ZNF446: variants seen among roughly 807,000 people sequenced by gnomAD.
ZNF446 encodes zinc finger protein with KRAB and SCAN domains 20.
ZNF446 carries 42 observed loss-of-function variants against 34.0 expected under a neutral mutation model. The observed-to-expected ratio is 1.23, with a 90% CI of 0.96 to 1.60. The LOEUF is 1.60. Among genes scored for constraint, ZNF446 ranks in the 40% most tolerant of loss-of-function variants. The pLI, the probability that ZNF446 is intolerant of heterozygous loss-of-function variation, is 0.00. For synonymous variants in ZNF446, 315 were observed against 251.0 expected (o/e 1.25, Z -2.41); for missense variants, 650 against 600.2 (o/e 1.08, Z -0.87).
chr19:58,488,025 A>C, the ZNF446 span, among the ~76,000 whole-genome samples: 1 of 151,428 alleles, frequency 6.6e-6, no homozygotes, highest in Non-Finnish European at 1.5e-5. Context: ...CACCCTGTTC[A>C]TGGCACTGTG....
the ZNF446 span, among the ~76,000 whole-genome samples, chr19:58,488,560 A>C: frequency 6.6e-6 from 1 of 152,054 alleles, no homozygotes; most frequent in African/African-American, 2.4e-5. Flanking sequence ...GATAAAAAAA[A>C]AAAAAAAAAG....
Position 58,477,227 on chromosome 19 carries a change from C to A in ZNF446, c.9C>A (p.Ser3=). The change falls in exon 2 of 7, where the codon TCC becomes TCA. Residue 3 remains serine (S), a synonymous_variant. Coordinates refer to ENST00000594369, the MANE Select transcript of ZNF446 (RefSeq NM_017908.4). ...CACCCCCTTGAGCAAGAATGCCATC[C>A]CCTCTGGGTCCCCCATGCCTGCCCG... is the stretch of plus-strand genomic sequence containing the variant. The part of the protein sequence containing the change: MP[S]PLGPPCLPVM... 6.4e-7 allele frequency: 1 copy of A among 1,558,898 alleles called. No individual in the cohort carries two copies. Among genetic ancestry groups the A allele is most frequent in the Non-Finnish European group, 8.7e-7 (1 of 1,151,568 alleles).
At chr19:58,479,337 G>A (rs1046983725) in intron 4 of ZNF446, among the ~76,000 whole-genome samples, 15 of 152,180 alleles carry the variant, frequency 9.9e-5, no homozygotes, top group Non-Finnish European at 2.2e-4. Context: ...CAGCAAGGAG[G>A]GCTGACCCCC....
At position 58,481,041 on chromosome 19, in the gene ZNF446, T is replaced by C. The variant is rs906382729; in HGVS notation, c.*315T>C. ...GTGACATGGCCTGGGCTGACAACAC[T>C]CCCTCTCCTGGGACCTCCTTGCCTC... On this transcript the variant is annotated 3_prime_UTR_variant, in exon 7 of 7. Coordinates refer to ENST00000594369, the MANE Select transcript of ZNF446 (RefSeq NM_017908.4). 6 of 365,204 alleles carry C rather than the reference T, an allele frequency of 1.6e-5. No individual in the cohort carries two copies. The highest frequency in any genetic ancestry group is 3.0e-5 in the Non-Finnish European group (6 of 197,106). The allele number at this position is 365,204 out of a possible 1,614,324, so 22.6% of individuals were successfully genotyped here.
chr19:58,478,026 A>G (rs1233534558), intron 3 of ZNF446, 61 bp from the exon 4 acceptor site: 1 of 1,483,356 alleles, frequency 6.7e-7, no homozygotes, highest in Non-Finnish European at 9.2e-7. Flanking sequence ...GGAGCTCCTC[A>G]TCTGCCATGG....
Position 58,480,064 on chromosome 19 carries a change from G to A in ZNF446, c.802+45G>A, listed in dbSNP as rs778580398. Reference sequence around the variant, plus strand: ...CAGCCTGAATCACCCCTCCTGTATCGGTGGGACCTGAGCCACCCACTCATG... The same window carrying A: ...CAGCCTGAATCACCCCTCCTGTATCAGTGGGACCTGAGCCACCCACTCATG... On this transcript the variant is annotated intron_variant, in intron 6 of 6. Coordinates refer to ENST00000594369, the MANE Select transcript of ZNF446 (RefSeq NM_017908.4). This position sits in a 1 kb window ranked among gnomAD's most constrained non-coding sequence, Gnocchi z 7.2. 42 of 1,561,996 alleles carry A rather than the reference G, an allele frequency of 2.7e-5. 1 individual carries two copies. Among genetic ancestry groups the A allele is most frequent in the African/African-American group, 2.0e-4 (15 of 73,912 alleles).
chr19:58,479,962 C>T lies in ZNF446; in HGVS notation c.745C>T (p.Gln249Ter), dbSNP rs1370511655. Residue 249 changes from glutamine to a stop codon, truncating the protein, a stop_gained, in exon 6 of 7, where the codon CAG (glutamine) becomes TAG (stop). Transcript: ENST00000594369. LOFTEE classifies it high-confidence loss of function. ...LPPHQPEAQA[Q>*]SELGMLLTGT... ...GCCCCACCAGCCAGAGGCACAGGCC[C>T]AGTCAGAGCTGGGGATGCTGCTCAC... 6.3e-7 allele frequency: 1 copy of T among 1,588,892 alleles called. No individual in the cohort carries two copies. Among genetic ancestry groups the T allele is most frequent in the East Asian group, 2.3e-5 (1 of 43,816 alleles).
the ZNF446 span, among the ~76,000 whole-genome samples, chr19:58,486,840 T>G: frequency 6.6e-6 from 1 of 151,878 alleles, no homozygotes; most frequent in Admixed American, 6.6e-5. Flanking sequence ...TCTCACTCTG[T>G]CGCCCGGGCT....
At chr19:58,485,056 T>C (rs1232605528), downstream of ZNF446, among the ~76,000 whole-genome samples, 1 of 151,100 alleles carries the variant, frequency 6.6e-6, no homozygotes, top group Non-Finnish European at 1.5e-5. Context: ...CTCAGAAAAA[T>C]AAAAAGAAGC....
downstream of ZNF446, among the ~76,000 whole-genome samples, chr19:58,486,213 C>T (rs776767161): frequency 3.3e-5 from 5 of 150,916 alleles, no homozygotes; most frequent in African/African-American, 4.9e-5. Context: ...CCTGCATCAG[C>T]CTCCCGATAG....
At chr19:58,481,955 GGCTAATT>G (rs951127200), downstream of ZNF446, among the ~76,000 whole-genome samples, 1 of 152,048 alleles carries the variant, frequency 6.6e-6, no homozygotes, top group Non-Finnish European at 1.5e-5. Flanking sequence ...CACCACGCCC[GGCTAATT>G]TTTTTGCATT....
intron 3 of ZNF446, 29 bp from the exon 4 acceptor site, chr19:58,478,058 A>G: frequency 1.9e-6 from 3 of 1,593,444 alleles, no homozygotes; most frequent in Non-Finnish European, 2.6e-6. Flanking sequence ...AGCCCCTGAC[A>G]CCACCCTTCC....
rs2122442933 is a variant in ZNF446 at position 58,478,270 on chromosome 19, C to G, written c.627+89C>G. 2.4e-6 allele frequency: 3 copies of G among 1,234,964 alleles called. No individual in the cohort carries two copies. The East Asian group carries it at 7.6e-5, about 31-fold the overall frequency. 76.5% of individuals were successfully genotyped at this position (1,234,964 alleles called of 1,614,324 possible). On this transcript the variant is annotated intron_variant, in intron 4 of 6. Coordinates refer to ENST00000594369, the MANE Select transcript of ZNF446 (RefSeq NM_017908.4). ...CCTCTGCCTGGTGGTTTTCCAGGCT[C>G]CTTGACTAGTGGCTCTTTGCTTCCC...
At chr19:58,486,429 C>T in the ZNF446 span, among the ~76,000 whole-genome samples, 5 of 151,216 alleles carry the variant, frequency 3.3e-5, no homozygotes, top group African/African-American at 1.2e-4. Context: ...TTTTTTGAGA[C>T]GAAGTCTCGC....
rs946248706 is a variant in ZNF446, at chr19:58,476,426, C to T, written c.-119C>T. The T allele has an allele frequency of 3.9e-5, 6 of 152,378 alleles. No individual in the cohort carries two copies. Among genetic ancestry groups the T allele is most frequent in the South Asian group, 2.1e-4 (1 of 4,838 alleles). 9.4% of individuals were successfully genotyped at this position (152,378 alleles called of 1,614,324 possible). On this transcript the variant is annotated 5_prime_UTR_variant, in exon 1 of 7. Transcript: ENST00000594369. ...TTGGAACGCCTCCCTCTTGCCTTCC[C>T]CTTTTGGGGACAGATCCCGAAGTTC... is the stretch of plus-strand genomic sequence containing the variant.
At chr19:58,479,845 G>T in intron 5 of ZNF446, 85 bp from the exon 6 acceptor site, 1 of 1,405,360 alleles carries the variant, frequency 7.1e-7, no homozygotes, top group South Asian at 1.2e-5. Flanking sequence ...CCACCTTCCA[G>T]AGGAACACCC....
At chr19:58,485,105 T>C (rs762374487), downstream of ZNF446, among the ~76,000 whole-genome samples, 5 of 152,026 alleles carry the variant, frequency 3.3e-5, no homozygotes, top group African/African-American at 7.2e-5. Flanking sequence ...CTAAAATGCA[T>C]GTGGAAAAGT....
At position 58,480,754 on chromosome 19, in the gene ZNF446, C is replaced by T; in HGVS notation, c.*28C>T. 1.3e-6 allele frequency: 2 copies of T among 1,582,248 alleles called. No individual in the cohort carries two copies. Among genetic ancestry groups the T allele is most frequent in the Non-Finnish European group, 1.7e-6 (2 of 1,167,178 alleles). On this transcript the variant is annotated 3_prime_UTR_variant, in exon 7 of 7. Transcript: ENST00000594369. This position sits in a 1 kb window ranked among gnomAD's most constrained non-coding sequence, Gnocchi z 7.2. ...AGCCAGACAGCACAGTCCCTCGGGG[C>T]CTCGGTGTTCTCGGGGCCTGGATAC...
chr19:58,482,575 G>T (rs935298309), downstream of ZNF446, among the ~76,000 whole-genome samples: 1 of 152,308 alleles, frequency 6.6e-6, no homozygotes, highest in Middle Eastern at 3.4e-3. Flanking sequence ...GGGTAGCTGC[G>T]ACTGTGGTTA....
Sources: allele counts gnomAD v4.1 joint callset (sites outside exome capture counted in the v4.1 genomes callset), GRCh38; gene constraint gnomAD v4.1.1; non-coding constraint Gnocchi (gnomAD v3.1); transcripts MANE v1.5; gene names NCBI Gene and HGNC (gene_info 2026-07-23, HGNC 2026-07-21).